Variants in NCKAP5 observed in about 807,000 individuals in gnomAD.
NCKAP5 encodes the protein nck-associated protein 5.
In NCKAP5, 92 loss-of-function variants were observed where a neutral mutation model predicts 167.0. The ratio of observed to expected loss-of-function variants is 0.55; its 90% CI spans 0.47 to 0.66. NCKAP5 has a LOEUF of 0.66. Ranked by LOEUF, NCKAP5 falls within the 30% of genes least tolerant of loss-of-function variation. The pLI is 0.00. For missense variants in NCKAP5, 2,378 were observed against 2,315.0 expected, an observed-to-expected ratio of 1.03 and a Z score of -0.56; for synonymous variants, 891 against 877.4, an observed-to-expected ratio of 1.02 and a Z score of -0.27.
At chr2:133,464,743 C>A (rs1263500870) in intron 3 of NCKAP5, among the ~76,000 whole-genome samples, 2 of 152,086 alleles carry the variant, frequency 1.3e-5, no homozygotes, top group Non-Finnish European at 2.9e-5. Flanking sequence ...TGAGGAGTAG[C>A]CTGAGATGTG....
chr2:133,641,305 T>C, the NCKAP5 span, among the ~76,000 whole-genome samples: 2 of 152,236 alleles, frequency 1.3e-5, no homozygotes, highest in Non-Finnish European at 2.9e-5. Flanking sequence ...AGATTCTTTA[T>C]GAGAGAAAAC....
At chr2:133,075,940 C>T (rs2080586066) in intron 6 of NCKAP5, among the ~76,000 whole-genome samples, 1 of 151,996 alleles carries the variant, frequency 6.6e-6, no homozygotes. Flanking sequence ...AAACAAGACA[C>T]AACTGTAAGT....
chr2:133,191,146 T>G (rs894984081), intron 5 of NCKAP5, among the ~76,000 whole-genome samples: 3 of 152,118 alleles, frequency 2.0e-5, no homozygotes, highest in Admixed American at 6.6e-5. Context: ...AGAAGACATT[T>G]ATGCAGCCAA....
chr2:132,800,429 A>G (rs889260346), intron 11 of NCKAP5, among the ~76,000 whole-genome samples: 3 of 152,226 alleles, frequency 2.0e-5, no homozygotes, highest in African/African-American at 4.8e-5. Flanking sequence ...GCCTTGTGTC[A>G]TCTGTCACAC....
At chr2:133,133,393 C>T (rs2082678406) in intron 5 of NCKAP5, among the ~76,000 whole-genome samples, 2 of 152,188 alleles carry the variant, frequency 1.3e-5, no homozygotes, top group Non-Finnish European at 1.5e-5. Context: ...CCATGTTCTT[C>T]GAGCAAGATG....
intron 7 of NCKAP5, among the ~76,000 whole-genome samples, chr2:132,964,582 A>G (rs928903870): frequency 6.6e-6 from 1 of 152,194 alleles, no homozygotes; most frequent in African/African-American, 2.4e-5. Context: ...CAAGGGAAAA[A>G]GAAGTATCAA....
intron 15 of NCKAP5, among the ~76,000 whole-genome samples, chr2:132,775,450 C>T (rs1325459752): frequency 1.3e-5 from 2 of 152,330 alleles, no homozygotes; most frequent in Middle Eastern, 6.8e-3. Context: ...CGTTCAGTAT[C>T]AAGAGGCCAT....
chr2:133,591,609 T>C, the NCKAP5 span, among the ~76,000 whole-genome samples: 213 of 152,248 alleles, frequency 1.4e-3, 2 homozygotes, highest in Non-Finnish European at 2.8e-4. Flanking sequence ...CACACTCAAA[T>C]GGAAAGCGCT....
chr2:132,701,537 T>C (rs1426903040), intron 19 of NCKAP5, among the ~76,000 whole-genome samples: 1 of 152,176 alleles, frequency 6.6e-6, no homozygotes, highest in Non-Finnish European at 1.5e-5. Context: ...CTGCTGCTGC[T>C]GCTGCTGCTG....
intron 19 of NCKAP5, among the ~76,000 whole-genome samples, chr2:132,705,585 A>G (rs1438057282): frequency 5.3e-5 from 8 of 152,230 alleles, no homozygotes; most frequent in Non-Finnish European, 1.2e-4. Context: ...TCAGGTTTAA[A>G]ATGTAAGTTG....
intron 4 of NCKAP5, among the ~76,000 whole-genome samples, chr2:133,225,986 G>C (rs1010722869): frequency 5.3e-5 from 8 of 151,992 alleles, no homozygotes; most frequent in Middle Eastern, 3.4e-3. Flanking sequence ...GTTTCACCAT[G>C]TTGGCCAGGA....
intron 16 of NCKAP5, among the ~76,000 whole-genome samples, chr2:132,750,810 T>C (rs903443515): frequency 1.3e-5 from 2 of 152,312 alleles, no homozygotes; most frequent in East Asian, 1.9e-4. Flanking sequence ...AAAATGTCTC[T>C]GCAAGCTCAA....
intron 2 of NCKAP5, among the ~76,000 whole-genome samples, chr2:133,524,488 A>G (rs1483696690): frequency 2.0e-5 from 3 of 152,186 alleles, no homozygotes; most frequent in Admixed American, 6.5e-5. Flanking sequence ...CTAGATTCCA[A>G]GTTAATGTAC....
At chr2:132,968,009 G>A (rs1325990837) in intron 7 of NCKAP5, among the ~76,000 whole-genome samples, 1 of 152,138 alleles carries the variant, frequency 6.6e-6, no homozygotes, top group Non-Finnish European at 1.5e-5. Flanking sequence ...GGACTAGCAA[G>A]GCAAATACTC....
chr2:133,263,192 C>G (rs983362580), intron 4 of NCKAP5, among the ~76,000 whole-genome samples: 2 of 150,900 alleles, frequency 1.3e-5, no homozygotes, highest in Non-Finnish European at 2.9e-5. Context: ...TAGGTTAGCT[C>G]TAAACTAAAA....
intron 9 of NCKAP5, among the ~76,000 whole-genome samples, chr2:132,871,034 T>G (rs1056355228): frequency 1.3e-5 from 2 of 152,204 alleles, no homozygotes; most frequent in East Asian, 3.8e-4. Flanking sequence ...ATTGAAACTA[T>G]GATTTTAAAT....
chr2:133,469,370 C>T (rs370217241), intron 3 of NCKAP5, among the ~76,000 whole-genome samples: 20 of 151,242 alleles, frequency 1.3e-4, no homozygotes, highest in South Asian at 1.1e-3. Context: ...GGGTTTCTGC[C>T]GAGAGATCCG....
At chr2:132,843,009 T>C (rs1442265417) in intron 11 of NCKAP5, among the ~76,000 whole-genome samples, 1 of 152,210 alleles carries the variant, frequency 6.6e-6, no homozygotes, top group African/African-American at 2.4e-5. Flanking sequence ...TTCCAAGCAG[T>C]AAACATTTTC....
At chr2:132,800,438 A>G (rs1684936155) in intron 11 of NCKAP5, among the ~76,000 whole-genome samples, 2 of 152,210 alleles carry the variant, frequency 1.3e-5, no homozygotes, top group African/African-American at 2.4e-5. Context: ...CATCTGTCAC[A>G]CTGTCTCAGT....
Sources: allele counts gnomAD v4.1 joint callset (sites outside exome capture counted in the v4.1 genomes callset), GRCh38; gene constraint gnomAD v4.1.1; transcripts MANE v1.5; gene names NCBI Gene and HGNC (gene_info 2026-07-23, HGNC 2026-07-21).